PRKD1: variants seen among roughly 807,000 people sequenced by gnomAD.
PRKD1 encodes the protein serine/threonine-protein kinase D1.
PRKD1 carries 63 observed loss-of-function variants against 95.9 expected under a neutral mutation model. The observed-to-expected ratio is 0.66, with a 90% CI of 0.54 to 0.81. The LOEUF is 0.81. Ranked by LOEUF, PRKD1 falls within the 30% of genes least tolerant of loss-of-function variation. The pLI is 0.00. For missense variants in PRKD1, 1,048 were observed against 1,165.3 expected (o/e 0.90, Z 1.47); for synonymous variants, 425 against 423.1 (o/e 1.00, Z -0.05).
chr14:29,721,948 G>T (rs1021933691), intron 2 of PRKD1, among the ~76,000 whole-genome samples: 11 of 151,968 alleles, frequency 7.2e-5, no homozygotes, highest in Non-Finnish European at 1.6e-4. Flanking sequence ...AAATTAGCCA[G>T]AAGCAGCTTG....
intron 1 of PRKD1, among the ~76,000 whole-genome samples, chr14:29,809,676 G>A (rs938128169): frequency 2.6e-5 from 4 of 152,158 alleles, no homozygotes; most frequent in East Asian, 1.9e-4. Context: ...AAGAGAGTTA[G>A]GACCTTACTC....
intron 13 of PRKD1, among the ~76,000 whole-genome samples, chr14:29,620,589 T>C (rs1231261286): frequency 2.7e-5 from 4 of 149,622 alleles, no homozygotes; most frequent in South Asian, 4.3e-4. Context: ...TCATCATCAC[T>C]GGCCATCAGA....
intron 1 of PRKD1, among the ~76,000 whole-genome samples, chr14:29,857,035 C>T (rs935646817): frequency 2.6e-5 from 4 of 152,182 alleles, no homozygotes; most frequent in Admixed American, 6.5e-5. Context: ...CATTTACTAG[C>T]CCTGTAATCT....
intron 1 of PRKD1, among the ~76,000 whole-genome samples, chr14:29,727,080 T>C (rs1328583645): frequency 6.6e-6 from 1 of 152,174 alleles, no homozygotes; most frequent in African/African-American, 2.4e-5. Flanking sequence ...GACTTTTTAA[T>C]GATTGCCATT....
intron 4 of PRKD1, among the ~76,000 whole-genome samples, chr14:29,655,366 A>G (rs537154094): frequency 6.6e-6 from 1 of 152,192 alleles, no homozygotes; most frequent in Non-Finnish European, 1.5e-5. Flanking sequence ...ATGAATCAGA[A>G]ATCTTGACTC....
At chr14:29,659,595 T>C (rs1298295156) in intron 4 of PRKD1, among the ~76,000 whole-genome samples, 2 of 152,194 alleles carry the variant, frequency 1.3e-5, no homozygotes, top group Non-Finnish European at 1.5e-5. Context: ...TAGTAGTGTA[T>C]GTAAGTTTAG....
intron 2 of PRKD1, among the ~76,000 whole-genome samples, chr14:29,695,833 A>C (rs1003860210): frequency 1.3e-5 from 2 of 152,236 alleles, no homozygotes; most frequent in Non-Finnish European, 2.9e-5. Context: ...TGCAGATTTT[A>C]AAAAGGAGAA....
At chr14:29,802,088 G>A (rs972213673) in intron 1 of PRKD1, among the ~76,000 whole-genome samples, 4 of 151,890 alleles carry the variant, frequency 2.6e-5, no homozygotes, top group East Asian at 1.9e-4. Context: ...AGAAAGGAGC[G>A]AAGGAAGAAA....
chr14:29,610,660 G>T (rs183137019), intron 13 of PRKD1, among the ~76,000 whole-genome samples: 128 of 152,280 alleles, frequency 8.4e-4, no homozygotes, highest in African/African-American at 2.9e-3. Context: ...ATACTTCTGG[G>T]TATTTACCCA....
At chr14:29,725,028 C>T (rs754473129) in intron 2 of PRKD1, among the ~76,000 whole-genome samples, 5 of 152,178 alleles carry the variant, frequency 3.3e-5, no homozygotes, top group African/African-American at 1.2e-4. Context: ...AGTTAACTAG[C>T]GTCACATGGC....
chr14:29,872,656 TAA>T (rs535984977), intron 1 of PRKD1, among the ~76,000 whole-genome samples: 56 of 118,804 alleles, frequency 4.7e-4, no homozygotes, highest in Admixed American at 1.6e-3. Flanking sequence ...ACTTTGTCTC[TAA>T]AAAAAAAAAA....
At chr14:29,734,906 T>C (rs949550196) in intron 1 of PRKD1, among the ~76,000 whole-genome samples, 7 of 152,138 alleles carry the variant, frequency 4.6e-5, no homozygotes, top group African/African-American at 1.4e-4. Context: ...CTGCTTGGGT[T>C]CTCCCTTTCT....
At chr14:29,789,908 G>A (rs1177242551) in intron 1 of PRKD1, among the ~76,000 whole-genome samples, 1 of 151,872 alleles carries the variant, frequency 6.6e-6, no homozygotes, top group African/African-American at 2.4e-5. Context: ...GTGATAGCAA[G>A]CCAGGTGGAT....
intron 13 of PRKD1, among the ~76,000 whole-genome samples, chr14:29,608,596 T>A (rs1227503043): frequency 6.6e-6 from 1 of 152,208 alleles, no homozygotes; most frequent in Non-Finnish European, 1.5e-5. Flanking sequence ...ATTTTCAGGA[T>A]ACTATATAAC....
chr14:29,758,425 C>A (rs888383363), intron 1 of PRKD1, among the ~76,000 whole-genome samples: 7 of 152,166 alleles, frequency 4.6e-5, no homozygotes, highest in African/African-American at 1.7e-4. Flanking sequence ...AGCAGGAGGT[C>A]AGAGAACTCA....
chr14:29,615,120 T>A (rs552678362), intron 13 of PRKD1, among the ~76,000 whole-genome samples: 2 of 151,804 alleles, frequency 1.3e-5, no homozygotes. Context: ...GAAAGTGGAA[T>A]AGGCTCAAGG....
chr14:29,592,324 T>G (rs1195768375), intron 16 of PRKD1, among the ~76,000 whole-genome samples: 2 of 152,180 alleles, frequency 1.3e-5, no homozygotes, highest in African/African-American at 4.8e-5. Context: ...TTTGTGCAAC[T>G]GTTTGTAAAT....
chr14:29,800,018 T>C (rs1011773017), intron 1 of PRKD1, among the ~76,000 whole-genome samples: 10 of 152,196 alleles, frequency 6.6e-5, no homozygotes, highest in East Asian at 3.9e-4. Context: ...AAAGCTGTTA[T>C]GTGTCTCACA....
chr14:29,769,523 G>A (rs1888409473), intron 1 of PRKD1, among the ~76,000 whole-genome samples: 1 of 152,030 alleles, frequency 6.6e-6, no homozygotes, highest in Admixed American at 6.6e-5. Context: ...TCATACCACT[G>A]CACTCCAGCC....
Sources: gnomAD v4.1 joint callset for allele counts (sites outside exome capture counted in the v4.1 genomes callset) on GRCh38, gnomAD v4.1.1 for gene constraint, MANE v1.5 for transcripts, NCBI Gene and HGNC (gene_info 2026-07-23, HGNC 2026-07-21) for gene names.